CLCN3: variants seen among roughly 807,000 people sequenced by gnomAD.
CLCN3 encodes Cl-/H+ antiporter 3, also known as H(+)/Cl(-) exchange transporter 3.
In CLCN3, 16 loss-of-function variants were observed where a neutral mutation model predicts 83.4. That is an observed-to-expected ratio of 0.19 (90% CI 0.13 to 0.29). The LOEUF is 0.29. Among genes scored for constraint, CLCN3 ranks in the 10% least tolerant of loss-of-function variants. The pLI, the probability that CLCN3 is intolerant of heterozygous loss-of-function variation, is 1.00. For synonymous variants in CLCN3, 322 were observed against 346.2 expected (o/e 0.93, Z 0.78); for missense variants, 544 against 1,006.0 (o/e 0.54, Z 6.21).
intron 1 of CLCN3, among the ~76,000 whole-genome samples, chr4:169,634,457 A>G (rs1209236665): frequency 1.3e-5 from 2 of 152,192 alleles, no homozygotes; most frequent in African/African-American, 2.4e-5. Context: ...AAGCCACATA[A>G]TATTTAATTT....
At chr4:169,700,122 G>A (rs1430481595) in intron 9 of CLCN3, among the ~76,000 whole-genome samples, 1 of 152,174 alleles carries the variant, frequency 6.6e-6, no homozygotes, top group Non-Finnish European at 1.5e-5. Flanking sequence ...TACCTGGCAA[G>A]AGAGTGTAAA....
chr4:169,627,893 T>C (rs891429167), intron 1 of CLCN3, among the ~76,000 whole-genome samples: 10 of 152,248 alleles, frequency 6.6e-5, no homozygotes, highest in Non-Finnish European at 1.5e-4. Flanking sequence ...CTACTCAATT[T>C]CAAGACTTAT....
intron 2 of CLCN3, among the ~76,000 whole-genome samples, chr4:169,649,925 A>C (rs1205269857): frequency 2.0e-5 from 3 of 152,120 alleles, no homozygotes; most frequent in African/African-American, 7.2e-5. Flanking sequence ...CTCTACAAAA[A>C]ATATAAAAAT....
chr4:169,658,615 A>T (rs1394729211), intron 2 of CLCN3, among the ~76,000 whole-genome samples: 1 of 152,144 alleles, frequency 6.6e-6, no homozygotes, highest in Non-Finnish European at 1.5e-5. Context: ...AATTTAGTAC[A>T]GTTAGCCTTT....
intron 2 of CLCN3, among the ~76,000 whole-genome samples, chr4:169,679,387 G>A (rs13102127): frequency 0.17 from 25,541 of 151,044 alleles, 2,753 homozygotes; most frequent in South Asian, 0.3. Flanking sequence ...GCCGGGAAGA[G>A]GTGCTCCTCA....
intron 11 of CLCN3, among the ~76,000 whole-genome samples, chr4:169,712,830 A>T (rs1255854023): frequency 6.6e-6 from 1 of 152,252 alleles, no homozygotes; most frequent in African/African-American, 2.4e-5. Flanking sequence ...GTACGATGAT[A>T]TAACTTTACC....
intron 7 of CLCN3, among the ~76,000 whole-genome samples, chr4:169,694,883 A>G (rs146725620): frequency 4.3e-4 from 66 of 152,306 alleles, no homozygotes; most frequent in African/African-American, 1.5e-3. Flanking sequence ...ATAATTACAA[A>G]TAAAACCCTA....
At chr4:169,717,295 TG>T (rs904617258) in intron 12 of CLCN3, among the ~76,000 whole-genome samples, 2 of 152,190 alleles carry the variant, frequency 1.3e-5, no homozygotes, top group African/African-American at 4.8e-5. Flanking sequence ...AATTTTAATT[TG>T]AAATTATAGT....
intron 8 of CLCN3, 102 bp from the exon 9 acceptor site, chr4:169,697,084 ACAG>A: frequency 1.2e-6 from 1 of 801,846 alleles, no homozygotes; most frequent in Non-Finnish European, 1.9e-6. Flanking sequence ...AATTCTAACT[ACAG>A]CAAAATTTAG....
At chr4:169,672,085 G>A (rs1216977677) in intron 2 of CLCN3, among the ~76,000 whole-genome samples, 14 of 152,030 alleles carry the variant, frequency 9.2e-5, no homozygotes, top group South Asian at 2.1e-4. Context: ...GGTGGTGGGC[G>A]CCTGTAGTCC....
At chr4:169,684,584 A>G (rs1732081589) in intron 3 of CLCN3, among the ~76,000 whole-genome samples, 1 of 152,186 alleles carries the variant, frequency 6.6e-6, no homozygotes, top group Non-Finnish European at 1.5e-5. Flanking sequence ...TTCCCGCAGC[A>G]AACCTGGAAT....
intron 2 of CLCN3, among the ~76,000 whole-genome samples, chr4:169,647,305 A>T (rs1730602301): frequency 6.6e-6 from 1 of 152,122 alleles, no homozygotes; most frequent in South Asian, 2.1e-4. Flanking sequence ...TGGGAAGATC[A>T]CTTGAGCCTG....
intron 3 of CLCN3, among the ~76,000 whole-genome samples, chr4:169,681,622 A>G (rs1257929657): frequency 6.6e-6 from 1 of 152,182 alleles, no homozygotes; most frequent in African/African-American, 2.4e-5. Context: ...CTCTTAAAAG[A>G]TATTGAAGAG....
At chr4:169,659,781 G>A (rs1173239480) in intron 2 of CLCN3, among the ~76,000 whole-genome samples, 1 of 151,716 alleles carries the variant, frequency 6.6e-6, no homozygotes, top group Non-Finnish European at 1.5e-5. Flanking sequence ...TTGGCATATT[G>A]TAGTTTTTTT....
chr4:169,700,260 CGTTT>C (rs1424222684), intron 9 of CLCN3, among the ~76,000 whole-genome samples: 1 of 110,584 alleles, frequency 9.0e-6, no homozygotes, highest in East Asian at 2.2e-4. Context: ...GTAGTTTGTT[CGTTT>C]GTTTGTTTTT....
chr4:169,661,154 C>T (rs536637210), intron 2 of CLCN3, among the ~76,000 whole-genome samples: 57 of 152,206 alleles, frequency 3.7e-4, no homozygotes, highest in Non-Finnish European at 6.9e-4. Context: ...TCCTCAGTCT[C>T]CTTAAAATTA....
chr4:169,660,409 G>T, intron 2 of CLCN3: 1 of 1,407,886 alleles, frequency 7.1e-7, no homozygotes, highest in South Asian at 1.6e-5. Context: ...TTATGACGGG[G>T]GAGGAGACAG....
chr4:169,720,363 T>C lies in CLCN3; in HGVS notation c.*366T>C. The stretch of plus-strand genomic sequence containing the variant: ...AGCACCTGGCCTGTTGCTCCAACAT[T>C]GCAAAGACACATTATCAGTCCCTAT... On this transcript the variant is annotated 3_prime_UTR_variant, in exon 13 of 13. Transcript: ENST00000513761. 3.9e-6 allele frequency: 1 copy of C among 257,712 alleles called. No homozygotes were observed. Among genetic ancestry groups the C allele is most frequent in the African/African-American group, 2.2e-5 (1 of 45,184 alleles). The allele number at this position is 257,712 out of a possible 1,614,324, so 16.0% of individuals were successfully genotyped here. A position where few individuals can be genotyped will look rare whatever the true frequency, so the allele number is the denominator to read the frequency against.
At chr4:169,634,110 T>A (rs917418790) in intron 1 of CLCN3, among the ~76,000 whole-genome samples, 3 of 152,202 alleles carry the variant, frequency 2.0e-5, no homozygotes, top group African/African-American at 7.2e-5. Context: ...TTAATTTTTT[T>A]AACGGAAATA....
Sources: allele counts gnomAD v4.1 joint callset (sites outside exome capture counted in the v4.1 genomes callset), GRCh38; gene constraint gnomAD v4.1.1; transcripts MANE v1.5; gene names NCBI Gene and HGNC (gene_info 2026-07-23, HGNC 2026-07-21).